The following TMC1 variants were observed in gnomAD, a reference collection of about 807,000 sequenced individuals.
The protein encoded by TMC1 is transmembrane channel-like protein 1.
TMC1 carries 84 observed loss-of-function variants against 105.8 expected under a neutral mutation model. The ratio of observed to expected loss-of-function variants is 0.79; its 90% confidence interval spans 0.67 to 0.95. The LOEUF is 0.95. TMC1 is among the 40% of genes least tolerant of loss of function. The probability of loss-of-function intolerance (pLI) is 0.00; values close to 1 mark genes in which losing one functional copy is unlikely to be tolerated. For synonymous variants in TMC1, 315 were observed against 311.5 expected (o/e 1.01, Z -0.12); for missense variants, 817 against 914.1 (o/e 0.89, Z 1.37).
intron 4 of TMC1, among the ~76,000 whole-genome samples, chr9:72,635,738 C>G (rs1014529742): frequency 6.6e-6 from 1 of 152,048 alleles, no homozygotes; most frequent in African/African-American, 2.4e-5. Context: ...ATTAAGGTTG[C>G]AAGGAGGGAT....
At chr9:72,735,388 C>T (rs1827281061) in intron 8 of TMC1, among the ~76,000 whole-genome samples, 2 of 152,164 alleles carry the variant, frequency 1.3e-5, no homozygotes, top group African/African-American at 4.8e-5. Context: ...CAGATAAATA[C>T]AAATGAGTAG....
At chr9:72,828,519 T>C (rs1828994718) in intron 21 of TMC1, among the ~76,000 whole-genome samples, 1 of 152,210 alleles carries the variant, frequency 6.6e-6, no homozygotes, top group African/African-American at 2.4e-5. Context: ...AGGAGTGGCA[T>C]TGTTCAAATG....
rs961940345 is a variant in TMC1 at position 72,664,865 on chromosome 9, C to T, written c.16+16201C>T. 3.9e-5 allele frequency among the ~76,000 whole-genome samples: 6 copies of T among 152,158 alleles called. No homozygotes were observed. The East Asian group carries it at 5.8e-4, about 15-fold the overall frequency. ...AGCTGGTTAACACTTAAGCCATCTG[C>T]GGATGGCGGAGCTAAAAGAGCACTG... On this transcript the variant is annotated intron_variant, in intron 5 of 23. Transcript: ENST00000297784.
intron 7 of TMC1, 136 bp from the exon 8 acceptor site, chr9:72,700,382 G>A: frequency 1.8e-6 from 1 of 567,198 alleles, no homozygotes; most frequent in Non-Finnish European, 3.0e-6. Flanking sequence ...GAGTTCTCAT[G>A]CTTATGGGTC....
chr9:72,622,657 C>A (rs1056639427), intron 3 of TMC1, among the ~76,000 whole-genome samples: 1 of 152,054 alleles, frequency 6.6e-6, no homozygotes, highest in Non-Finnish European at 1.5e-5. Context: ...CTCAACAATA[C>A]CAGACTTGTT....
intron 1 of TMC1, among the ~76,000 whole-genome samples, chr9:72,574,299 A>T (rs1419843343): frequency 1.3e-5 from 2 of 152,224 alleles, no homozygotes; most frequent in Non-Finnish European, 2.9e-5. Context: ...AAGAACACAA[A>T]TAGGGAAGTG....
chr9:72,633,428 C>T (rs1825480957), intron 4 of TMC1, among the ~76,000 whole-genome samples: 1 of 152,098 alleles, frequency 6.6e-6, no homozygotes, highest in East Asian at 1.9e-4. Context: ...TTTGTGGTAA[C>T]CAGGTGCTGC....
Position 72,764,190 on chromosome 9 carries a change from ATTATT to A in TMC1, c.742-8216_742-8212del, listed in dbSNP as rs1328644070. ...CTGCAATATATTCTTTACATTTTAA[ATTATT>A]TTATTTGTTCAAAAACTCCTTTTTA... On this transcript the variant is annotated intron_variant, in intron 12 of 23. Transcript: ENST00000297784. 4.9e-4 allele frequency among the ~76,000 whole-genome samples: 74 copies of A among 152,156 alleles called. 1 individual carries two copies. The highest frequency in any genetic ancestry group is 4.4e-3 in the Admixed American group (67 of 15,270).
chr9:72,691,065 G>T (rs1826459099), intron 6 of TMC1, among the ~76,000 whole-genome samples: 1 of 151,802 alleles, frequency 6.6e-6, no homozygotes, highest in South Asian at 2.1e-4. Context: ...TTTCAATTTG[G>T]TAATTCTTTC....
At chr9:72,674,251 T>C (rs995417182) in intron 5 of TMC1, among the ~76,000 whole-genome samples, 8 of 152,196 alleles carry the variant, frequency 5.3e-5, no homozygotes, top group Non-Finnish European at 8.8e-5. Context: ...AATACCTCAA[T>C]AGGCTTTTAA....
At chr9:72,593,424 G>A (rs1587978039) in intron 2 of TMC1, among the ~76,000 whole-genome samples, 3 of 151,726 alleles carry the variant, frequency 2.0e-5, no homozygotes, top group African/African-American at 4.8e-5. Context: ...CTGAGACAGA[G>A]TGTTGCTCCT....
intron 2 of TMC1, among the ~76,000 whole-genome samples, chr9:72,595,909 C>G (rs958833656): frequency 3.4e-5 from 5 of 148,322 alleles, no homozygotes; most frequent in Non-Finnish European, 5.9e-5. Context: ...CAGAATCTTG[C>G]TCTGTCGCCC....
chr9:72,578,591 C>T (rs368565929), intron 2 of TMC1, among the ~76,000 whole-genome samples: 3 of 152,090 alleles, frequency 2.0e-5, no homozygotes, highest in Non-Finnish European at 2.9e-5. Flanking sequence ...CAGACTTTGC[C>T]GTAGGACTGT....
chr9:72,712,485 C>T (rs971407473), intron 8 of TMC1, among the ~76,000 whole-genome samples: 5 of 152,102 alleles, frequency 3.3e-5, no homozygotes, highest in African/African-American at 1.2e-4. Flanking sequence ...TCCTTCACAT[C>T]CCTTGTAAGT....
intron 12 of TMC1, among the ~76,000 whole-genome samples, chr9:72,761,115 A>G (rs1355179806): frequency 1.3e-5 from 2 of 152,204 alleles, no homozygotes; most frequent in Non-Finnish European, 2.9e-5. Flanking sequence ...TTAAAATAGT[A>G]AGAAACAGAG....
intron 8 of TMC1, among the ~76,000 whole-genome samples, chr9:72,706,474 ATGAG>A (rs1826740391): frequency 6.6e-6 from 1 of 152,110 alleles, no homozygotes; most frequent in African/African-American, 2.4e-5. Flanking sequence ...ATTTGGTTAC[ATGAG>A]TAAGTTCTTC....
chr9:72,784,616 T>G (rs537024820), intron 13 of TMC1, among the ~76,000 whole-genome samples: 2 of 152,166 alleles, frequency 1.3e-5, no homozygotes, highest in African/African-American at 4.8e-5. Context: ...TAGAAATCAT[T>G]GTACTATAAA....
intron 1 of TMC1, among the ~76,000 whole-genome samples, chr9:72,556,635 A>G (rs552531100): frequency 6.6e-6 from 1 of 151,580 alleles, no homozygotes. Context: ...CATGGCCAAC[A>G]TCGTGAAACC....
intron 12 of TMC1, among the ~76,000 whole-genome samples, chr9:72,770,618 G>T (rs997798108): frequency 6.6e-6 from 1 of 151,602 alleles, no homozygotes; most frequent in African/African-American, 2.4e-5. Flanking sequence ...ATAAATAATA[G>T]ATTTACTACA....
Sources: gnomAD v4.1 joint callset for allele counts (sites outside exome capture counted in the v4.1 genomes callset) on GRCh38, gnomAD v4.1.1 for gene constraint, MANE v1.5 for transcripts, NCBI Gene and HGNC (gene_info 2026-07-23, HGNC 2026-07-21) for gene names.